The following AGBL4 variants were observed in gnomAD, a reference collection of about 807,000 sequenced individuals.
The protein encoded by AGBL4 is cytosolic carboxypeptidase 6.
Under a neutral mutation model 66.4 loss-of-function variants are expected in AGBL4, and 58 were observed. The ratio of observed to expected loss-of-function variants is 0.87; its 90% CI spans 0.71 to 1.09. The LOEUF (loss-of-function observed/expected upper bound fraction) is 1.09. AGBL4 is among the 50% of genes least tolerant of loss of function. The pLI is 0.00. For synonymous variants in AGBL4, 234 were observed against 222.9 expected (o/e 1.05, Z -0.44); for missense variants, 579 against 631.0 (o/e 0.92, Z 0.88).
At chr1:48,965,750 A>G (rs1261849225) in intron 5 of AGBL4, among the ~76,000 whole-genome samples, 1 of 152,208 alleles carries the variant, frequency 6.6e-6, no homozygotes, top group East Asian at 1.9e-4. Flanking sequence ...CTTGGGGTAA[A>G]GACAACTTAT....
At chr1:49,911,068 G>C (rs949938667) in intron 1 of AGBL4, among the ~76,000 whole-genome samples, 1 of 152,190 alleles carries the variant, frequency 6.6e-6, no homozygotes, top group Non-Finnish European at 1.5e-5. Context: ...GTGGAAGGGA[G>C]GTTCAGAGTT....
chr1:48,664,110 G>C (rs180817586), intron 6 of AGBL4, among the ~76,000 whole-genome samples: 247 of 152,274 alleles, frequency 1.6e-3, no homozygotes, highest in Non-Finnish European at 1.9e-3. Flanking sequence ...ATCCTTTCCA[G>C]ACCAAAGAGC....
intron 2 of AGBL4, among the ~76,000 whole-genome samples, chr1:49,740,692 CA>C (rs1279105809): frequency 2.6e-5 from 4 of 151,966 alleles, no homozygotes; most frequent in Non-Finnish European, 5.9e-5. Context: ...GAAATTATAA[CA>C]AACTGTCTCT....
rs139859091 is a variant in AGBL4, at chr1:48,756,720, C to G, written c.635-93479G>C. On this transcript the variant is annotated intron_variant, in intron 6 of 13. Transcript: ENST00000371839. ...TGGAAGTTGGCACATTAGCATCCTC[C>G]TATTAACATGTGTTAATCAATAGAC... 2.1e-3 allele frequency among the ~76,000 whole-genome samples: 317 copies of G among 152,318 alleles called. 1 individual carries two copies. Among genetic ancestry groups the G allele is most frequent in the South Asian group, 0.017 (83 of 4,830 alleles).
intron 6 of AGBL4, among the ~76,000 whole-genome samples, chr1:48,718,323 G>A (rs1208547057): frequency 6.6e-6 from 1 of 152,152 alleles, no homozygotes; most frequent in Non-Finnish European, 1.5e-5. Context: ...CAACAGGCTG[G>A]GCTACACAGT....
At position 49,045,800 on chromosome 1, in the gene AGBL4, C is replaced by T. The variant is rs1644064436; in HGVS notation, c.378G>A (p.Trp126Ter). 6.5e-7 allele frequency: 1 copy of T among 1,549,690 alleles called. No homozygotes were observed. Among genetic ancestry groups the T allele is most frequent in the African/African-American group, 1.4e-5 (1 of 72,900 alleles). ...AAACATTTTTGGGTGGCAGCCTTTGCCTAAAATATATAAACAAAGAAATTT... is the reference window on the plus strand; with the variant it reads ...AAACATTTTTGGGTGGCAGCCTTTGTCTAAAATATATAAACAAAGAAATTT... The part of the protein sequence containing the change: ...PMVKSTSRPK[W>*]QRLPPKNVYY... The change falls in exon 5 of 14, where the codon TGG (tryptophan) becomes TGA (stop). Residue 126 changes from tryptophan (W) to a stop codon, truncating the protein, a stop_gained and splice_region_variant. Transcript: ENST00000371839. LOFTEE classifies it high-confidence loss of function.
chr1:49,643,668 T>G (rs530293917), intron 3 of AGBL4, among the ~76,000 whole-genome samples: 3 of 151,738 alleles, frequency 2.0e-5, no homozygotes, highest in East Asian at 3.9e-4. Context: ...TGAAACCAAG[T>G]GCAACAGTAT....
At chr1:49,531,513 A>G (rs1202569706) in intron 3 of AGBL4, among the ~76,000 whole-genome samples, 4 of 152,182 alleles carry the variant, frequency 2.6e-5, no homozygotes, top group African/African-American at 9.6e-5. Context: ...TCATAAACTT[A>G]CAATAATTGT....
Position 48,653,704 on chromosome 1 carries a change from C to T in AGBL4, c.725-253G>A, listed in dbSNP as rs114579308. 3.3e-5 allele frequency among the ~76,000 whole-genome samples: 5 copies of T among 152,198 alleles called. No homozygotes were observed. The East Asian group carries it at 7.7e-4, about 24-fold the overall frequency. ...GGCAGGAGGGAGAGAGCATTTCCTG[C>T]GGTAGAGAACTGGGAGGGCTTCCGA... On this transcript the variant is annotated intron_variant, in intron 7 of 13. Transcript: ENST00000371839.
At chr1:49,159,614 C>T (rs917779401) in intron 4 of AGBL4, among the ~76,000 whole-genome samples, 1 of 152,114 alleles carries the variant, frequency 6.6e-6, no homozygotes, top group Admixed American at 6.6e-5. Flanking sequence ...GCCTGTCTTG[C>T]TAGGTTGGGG....
chr1:49,488,137 C>T (rs961909260), intron 3 of AGBL4, among the ~76,000 whole-genome samples: 7 of 151,588 alleles, frequency 4.6e-5, no homozygotes, highest in Admixed American at 4.0e-4. Context: ...CAGATTTAAT[C>T]CATGTTAATA....
chr1:48,956,563 C>A (rs1444976843), intron 5 of AGBL4, among the ~76,000 whole-genome samples: 1 of 152,094 alleles, frequency 6.6e-6, no homozygotes, highest in Admixed American at 6.5e-5. Flanking sequence ...GGAAGGGAGA[C>A]TCAGAGGTTA....
chr1:49,030,685 CA>C (rs1275671248), intron 5 of AGBL4, among the ~76,000 whole-genome samples: 1 of 151,988 alleles, frequency 6.6e-6, no homozygotes, highest in East Asian at 1.9e-4. Context: ...ATCCCGAAAC[CA>C]CCCCCACCAT....
intron 3 of AGBL4, among the ~76,000 whole-genome samples, chr1:49,564,068 T>A (rs900139719): frequency 3.3e-5 from 5 of 152,238 alleles, no homozygotes; most frequent in Non-Finnish European, 5.9e-5. Flanking sequence ...ATTTATCCAT[T>A]TCTTCTAGAT....
At chr1:49,153,339 A>C (rs1646373740) in intron 4 of AGBL4, among the ~76,000 whole-genome samples, 1 of 152,160 alleles carries the variant, frequency 6.6e-6, no homozygotes, top group African/African-American at 2.4e-5. Flanking sequence ...TGCTGCATAA[A>C]GAATGATACA....
chr1:49,975,441 A>G (rs1171093127), intron 1 of AGBL4, among the ~76,000 whole-genome samples: 2 of 152,212 alleles, frequency 1.3e-5, no homozygotes, highest in South Asian at 4.1e-4. Flanking sequence ...AGTACATCAG[A>G]TCAATGCTCA....
chr1:49,042,521 G>C (rs1481835670), intron 5 of AGBL4, among the ~76,000 whole-genome samples: 1 of 152,114 alleles, frequency 6.6e-6, no homozygotes, highest in African/African-American at 2.4e-5. Context: ...ATGAGTTCTA[G>C]TAAATGACAG....
intron 4 of AGBL4, among the ~76,000 whole-genome samples, chr1:49,080,971 A>T (rs2147956111): frequency 6.6e-6 from 1 of 152,250 alleles, no homozygotes; most frequent in South Asian, 2.1e-4. Flanking sequence ...TTAGAATTTC[A>T]TTATTATATT....
chr1:49,660,357 A>G (rs1646244315), intron 3 of AGBL4, among the ~76,000 whole-genome samples: 1 of 152,180 alleles, frequency 6.6e-6, no homozygotes, highest in South Asian at 2.1e-4. Flanking sequence ...AAAAAGCTTA[A>G]CATCACTGAT....
Sources: allele counts gnomAD v4.1 joint callset (sites outside exome capture counted in the v4.1 genomes callset), GRCh38; gene constraint gnomAD v4.1.1; transcripts MANE v1.5; gene names NCBI Gene and HGNC (gene_info 2026-07-23, HGNC 2026-07-21).